Variants in PRSS55 observed in about 807,000 individuals in gnomAD.
The protein encoded by PRSS55 is probable serine protease UNQ9391/PRO34284.
A neutral mutation model predicts 23.6 loss-of-function variants in PRSS55; 41 were observed. The observed-to-expected ratio is 1.74, with a 90% CI of 1.35 to 2.26. PRSS55 has a LOEUF of 2.26. Among genes scored for constraint, PRSS55 ranks in the 30% most tolerant of loss-of-function variants. The pLI is 0.00. For synonymous variants in PRSS55, 262 were observed against 175.5 expected, an observed-to-expected ratio of 1.49 and a Z score of -3.90; for missense variants, 669 against 439.1, an observed-to-expected ratio of 1.52 and a Z score of -4.68.
chr8:10,531,329 G>A lies in PRSS55; in HGVS notation c.382G>A (p.Asp128Asn), dbSNP rs562300446. The change falls in exon 3 of 5, where the codon GAC becomes AAC. Residue 128 changes from aspartate (D) to asparagine (N), a missense_variant. Physicochemically the swap from Asp to Asn is conservative, Grantham distance 23 (BLOSUM62 1). Transcript: ENST00000328655. Reference sequence around the variant, plus strand: ...ACTGAGTGTCGTGCTGGGGACCAACGACTTAACTAGCCCATCCATGGAAAT... The same window carrying A: ...ACTGAGTGTCGTGCTGGGGACCAACAACTTAACTAGCCCATCCATGGAAAT... ...EELSVVLGTN[D>N]LTSPSMEIKE... is the part of the protein sequence containing the mutation. The A allele has an allele frequency of 7.2e-5, 116 of 1,613,966 alleles. 1 individual carries two copies. The highest frequency in any genetic ancestry group is 9.2e-5 in the Non-Finnish European group (109 of 1,180,038).
chr8:10,531,556 G>T lies in PRSS55; in HGVS notation c.598+11G>T, dbSNP rs1251727032. On this transcript the variant is annotated intron_variant, in intron 3 of 4. Coordinates refer to ENST00000328655, the MANE Select transcript of PRSS55 (RefSeq NM_198464.4). ...GCCAGACCAATGCTGGTATGTGACT[G>T]CTCAGCTTCCCCTGGGGAAAAAGCC... is the stretch of plus-strand genomic sequence containing the variant. 1.2e-6 allele frequency: 2 copies of T among 1,611,854 alleles called. No individual in the cohort carries two copies. Among genetic ancestry groups the T allele is most frequent in the Admixed American group, 1.7e-5 (1 of 59,968 alleles).
intron 4 of PRSS55, among the ~76,000 whole-genome samples, chr8:10,533,731 G>C (rs1486383259): frequency 6.6e-6 from 1 of 152,202 alleles, no homozygotes; most frequent in Non-Finnish European, 1.5e-5. Context: ...AACCTGCTTA[G>C]TCTCAGCTGA....
chr8:10,550,926 G>C (rs1156284376), intron 4 of PRSS55, among the ~76,000 whole-genome samples: 3 of 152,216 alleles, frequency 2.0e-5, no homozygotes, highest in African/African-American at 7.2e-5. Context: ...TTCACATTCA[G>C]ATGACACTGA....
chr8:10,529,782 G>C (rs1026400025), intron 2 of PRSS55, 83 bp downstream of exon 2: 8 of 1,363,384 alleles, frequency 5.9e-6, no homozygotes, highest in Middle Eastern at 2.4e-4. Context: ...CCTGGTGGCT[G>C]AGAGGAACCT....
intron 3 of PRSS55, 109 bp downstream of exon 3, chr8:10,531,654 G>T (rs377362754): frequency 1.4e-6 from 2 of 1,459,220 alleles, no homozygotes; most frequent in African/African-American, 2.8e-5. Flanking sequence ...GCAGATTCCC[G>T]CTCAGTGGAG....
chr8:10,529,559 AG>A lies in PRSS55; in HGVS notation c.213del (p.Met72TrpfsTer12), dbSNP rs1230674150. The A allele has an allele frequency of 3.7e-6, 6 of 1,614,046 alleles. No homozygotes were observed. The East Asian group carries it at 6.7e-5, about 18-fold the overall frequency. On this transcript the variant is annotated frameshift_variant, in exon 2 of 5. Coordinates refer to ENST00000328655, the MANE Select transcript of PRSS55 (RefSeq NM_198464.4). LOFTEE classifies it high-confidence loss of function. ...EGRTRYSRIT[G>X]GMEAEVGEFP... ...GAAGAACTCGGTATTCCAGAATCAC[AG>A]GGGGGATGGAGGCGGAGGTGGGTGA... is the stretch of plus-strand genomic sequence containing the variant.
intron 4 of PRSS55, chr8:10,545,061 G>A (rs1812782259): frequency 2.1e-6 from 2 of 971,424 alleles, no homozygotes; most frequent in African/African-American, 3.5e-5. Flanking sequence ...CCATCTGTGA[G>A]GAAAAAGACC....
At chr8:10,552,946 T>C (rs1211456032) in intron 4 of PRSS55, among the ~76,000 whole-genome samples, 1 of 152,224 alleles carries the variant, frequency 6.6e-6, no homozygotes, top group East Asian at 1.9e-4. Flanking sequence ...GAAATCAGTA[T>C]GTTGAAAATA....
rs1242422760 is a variant in PRSS55 at position 10,538,545 on chromosome 8, A to C, written c.811A>C (p.Ser271Arg). ...GAAGTGGTACCAGGTGGGCATCATA[A>C]GCTGGGGAAAGAGCTGTGGAGAGAA... ...GEKWYQVGII[S>R]WGKSCGEKNT... The change falls in exon 5 of 5, where the codon AGC (serine) becomes CGC (arginine). Residue 271 changes from serine (S) to arginine (R), a missense_variant. Coordinates refer to ENST00000328655, the MANE Select transcript of PRSS55 (RefSeq NM_198464.4). The C allele has an allele frequency of 6.2e-7, 1 of 1,614,120 alleles. No homozygotes were observed. The highest frequency in any genetic ancestry group is 8.5e-7 in the Non-Finnish European group (1 of 1,179,992).
chr8:10,541,439 A>G (rs916778606), downstream of PRSS55: 1 of 152,200 alleles, frequency 6.6e-6, no homozygotes, highest in Non-Finnish European at 1.5e-5. Context: ...CTGCATTGTC[A>G]GCTCTTCTGG....
exon 5 of PRSS55, chr8:10,553,945 A>G: frequency 6.6e-7 from 1 of 1,514,250 alleles, no homozygotes; most frequent in Non-Finnish European, 8.8e-7. Context: ...TTTTAAAGCA[A>G]AGCTATTTTC....
At chr8:10,547,642 CTTCCCG>C (rs1418213329) in intron 4 of PRSS55, 7 of 152,470 alleles carry the variant, frequency 4.6e-5, no homozygotes, top group Non-Finnish European at 8.8e-5. Context: ...GCACCTTCCC[CTTCCCG>C]TCCCTCCTTT....
At chr8:10,541,383 C>T (rs1408849688), downstream of PRSS55, 2 of 152,224 alleles carry the variant, frequency 1.3e-5, no homozygotes, top group African/African-American at 4.8e-5. Context: ...TGATTGGCCT[C>T]CCCACACAAG....
intron 4 of PRSS55, among the ~76,000 whole-genome samples, chr8:10,544,166 A>G (rs189084956): frequency 6.6e-6 from 1 of 152,014 alleles, no homozygotes; most frequent in Non-Finnish European, 1.5e-5. Context: ...TCTTCCTTCA[A>G]TTGTCATTTT....
chr8:10,526,765 C>T (rs1812039128), intron 1 of PRSS55, among the ~76,000 whole-genome samples: 1 of 152,224 alleles, frequency 6.6e-6, no homozygotes, highest in South Asian at 2.1e-4. Context: ...GGTGCAAGCA[C>T]TTGTTGGTCG....
chr8:10,531,759 C>G, intron 3 of PRSS55: 2 of 610,184 alleles, frequency 3.3e-6, no homozygotes, highest in Non-Finnish European at 2.9e-6. Context: ...TCTGATCCAG[C>G]TAGCACAGAG....
At chr8:10,547,357 G>C (rs116513801) in intron 4 of PRSS55, 41 of 152,306 alleles carry the variant, frequency 2.7e-4, no homozygotes, top group African/African-American at 9.4e-4. Context: ...TCTCCTCTTT[G>C]AGCTTCCGGT....
chr8:10,529,772 C>A (rs896746476), intron 2 of PRSS55, 73 bp downstream of exon 2: 2 of 1,448,654 alleles, frequency 1.4e-6, no homozygotes, highest in African/African-American at 2.8e-5. Flanking sequence ...CTCACCCACA[C>A]CTGGTGGCTG....
chr8:10,539,832 G>C (rs562326761), downstream of PRSS55, among the ~76,000 whole-genome samples: 112 of 152,288 alleles, frequency 7.4e-4, no homozygotes, highest in African/African-American at 2.7e-3. Flanking sequence ...CCAGTCTCAG[G>C]TACGTCTTTA....
Sources: allele counts gnomAD v4.1 joint callset (sites outside exome capture counted in the v4.1 genomes callset), GRCh38; gene constraint gnomAD v4.1.1; transcripts MANE v1.5; gene names NCBI Gene and HGNC (gene_info 2026-07-23, HGNC 2026-07-21).